NDUFAF6: variants seen among roughly 807,000 people sequenced by gnomAD.
NDUFAF6 encodes NADH:ubiquinone oxidoreductase complex assembly factor 6, also known as NADH dehydrogenase (ubiquinone) complex I, assembly factor 6.
A neutral mutation model predicts 40.8 loss-of-function variants in NDUFAF6; 45 were observed. The ratio of observed to expected loss-of-function variants is 1.10; its 90% CI spans 0.87 to 1.42. The LOEUF is 1.42. Ranked by LOEUF, NDUFAF6 falls within the 40% of genes most tolerant of loss-of-function variation. The probability of loss-of-function intolerance (pLI) is 0.00; values close to 1 mark genes in which losing one functional copy is unlikely to be tolerated. For missense variants in NDUFAF6, 435 were observed against 418.5 expected (o/e 1.04, Z -0.34); for synonymous variants, 185 against 155.9 (o/e 1.19, Z -1.39).
At chr8:94,924,848 T>A (rs1258442019) in intron 1 of NDUFAF6, among the ~76,000 whole-genome samples, 2 of 152,232 alleles carry the variant, frequency 1.3e-5, no homozygotes, top group African/African-American at 2.4e-5. Flanking sequence ...GTTCAAGCAA[T>A]TCTCCTGCCT....
rs544783781 is a variant in NDUFAF6, at chr8:95,091,721, C to T, written n.214-9411C>T. Reference sequence around the variant, plus strand: ...GTGGCGCCATCCTGGCTCACTGCAGCCTTGACCTCTTGGGTTCAAGCGATC... The same window carrying T: ...GTGGCGCCATCCTGGCTCACTGCAGTCTTGACCTCTTGGGTTCAAGCGATC... On this transcript the variant is annotated intron_variant and non_coding_transcript_variant, in intron 2 of 5. Transcript: ENST00000523184. 1.6e-4 allele frequency among the ~76,000 whole-genome samples: 24 copies of T among 150,810 alleles called. No individual in the cohort carries two copies. In the South Asian group the frequency reaches 4.9e-3, roughly 31 times the overall value.
At chr8:95,075,607 A>G (rs1833001943) in intron 9 of NDUFAF6, 2 of 1,287,722 alleles carry the variant, frequency 1.6e-6, no homozygotes, top group African/African-American at 1.5e-5. Flanking sequence ...GGCTTGGTGA[A>G]TAAGTGTCCT....
intron 2 of NDUFAF6, among the ~76,000 whole-genome samples, chr8:95,007,299 G>A (rs1478390363): frequency 2.1e-5 from 1 of 47,888 alleles, no homozygotes; most frequent in Non-Finnish European, 3.8e-5. Flanking sequence ...ACTAATGCCT[G>A]TAATACCAAA....
chr8:94,919,787 A>C (rs1019326819), intron 1 of NDUFAF6, among the ~76,000 whole-genome samples: 3 of 152,240 alleles, frequency 2.0e-5, no homozygotes, highest in Admixed American at 1.3e-4. Flanking sequence ...CTGACCTGAA[A>C]GTCAGGAATT....
intron 2 of NDUFAF6, among the ~76,000 whole-genome samples, chr8:94,945,859 C>A (rs536034812): frequency 6.6e-6 from 1 of 152,304 alleles, no homozygotes; most frequent in East Asian, 1.9e-4. Context: ...GTTTCCCCGA[C>A]AAGAGAAAAG....
In NDUFAF6 at chr8:94,994,827, A is replaced by AAAACC. The variant is rs772245341; in HGVS notation, c.-84+13874_-84+13878dup. ...AGCCTGGGTGGAGACCCTGTCTCAA[A>AAAACC]AAACCAAACCAAACCAAACCAAACA... On this transcript the variant is annotated intron_variant, in intron 2 of 9. Transcript: ENST00000396111. Among the ~76,000 whole-genome samples, 124 of 152,324 alleles carry AAAACC rather than the reference A, an allele frequency of 8.1e-4. 1 individual carries two copies. Among genetic ancestry groups the AAAACC allele is most frequent in the Admixed American group, 2.5e-3 (38 of 15,298 alleles).
chr8:94,999,272 C>T lies in NDUFAF6; in HGVS notation c.-84+18299C>T, dbSNP rs1447898331. 3.6e-4 allele frequency among the ~76,000 whole-genome samples: 54 copies of T among 151,792 alleles called. 1 individual carries two copies. Among genetic ancestry groups the T allele is most frequent in the Admixed American group, 2.9e-3 (44 of 15,242 alleles). ...CCAAGTAGCTAGGACTACAGGTGCA[C>T]GCCACCACACCCAGCTAATTTTTGT... On this transcript the variant is annotated intron_variant, in intron 2 of 9. Transcript: ENST00000396111.
At chr8:94,957,497 TA>T (rs1259376418), upstream of NDUFAF6, among the ~76,000 whole-genome samples, 32 of 151,990 alleles carry the variant, frequency 2.1e-4, no homozygotes, top group African/African-American at 7.5e-4. Flanking sequence ...GACTGAAAAA[TA>T]AGACAGCGTG....
chr8:94,971,944 G>A (rs947597402), intron 1 of NDUFAF6, among the ~76,000 whole-genome samples: 2 of 151,792 alleles, frequency 1.3e-5, no homozygotes, highest in African/African-American at 4.8e-5. Context: ...AAAAAACTCC[G>A]TCTCAAAAAA....
In NDUFAF6 at chr8:94,943,330, T is replaced by G. The variant is rs531906302; in HGVS notation, c.-935-2153T>G. Among the ~76,000 whole-genome samples the G allele has an allele frequency of 2.6e-5, 4 of 151,992 alleles. No individual in the cohort carries two copies. The East Asian group carries it at 7.7e-4, about 29-fold the overall frequency. On this transcript the variant is annotated intron_variant, in intron 1 of 14. Transcript: ENST00000396113. The stretch of plus-strand genomic sequence containing the variant: ...AAAATAACCTGTTTCTACAAAAAAA[T>G]TTTAAAAAATTAGCCAGGTACAGTG...
At chr8:94,949,559 C>T (rs1182830996) in intron 2 of NDUFAF6, 3 of 151,910 alleles carry the variant, frequency 2.0e-5, no homozygotes, top group Non-Finnish European at 4.4e-5. Flanking sequence ...GCCCGGGCAA[C>T]AAAAACCGGG....
At chr8:94,914,155 A>G (rs1442130969) in intron 1 of NDUFAF6, among the ~76,000 whole-genome samples, 1 of 141,648 alleles carries the variant, frequency 7.1e-6, no homozygotes, top group African/African-American at 2.7e-5. Context: ...AGACAGGCAC[A>G]TCAGGGTCTT....
At chr8:94,897,401 A>G (rs74737047) in intron 1 of NDUFAF6, among the ~76,000 whole-genome samples, 3,129 of 152,294 alleles carry the variant, frequency 0.021, 36 homozygotes, top group African/African-American at 0.032. Context: ...TACCTGGTCA[A>G]TAGACAAGTG....
At chr8:94,991,096 T>G (rs961886043) in intron 2 of NDUFAF6, among the ~76,000 whole-genome samples, 7 of 152,248 alleles carry the variant, frequency 4.6e-5, no homozygotes, top group African/African-American at 1.7e-4. Flanking sequence ...GGGAACTGTA[T>G]ATACCACACA....
chr8:94,901,675 A>G (rs1436650905), intron 1 of NDUFAF6, among the ~76,000 whole-genome samples: 1 of 152,144 alleles, frequency 6.6e-6, no homozygotes, highest in Non-Finnish European at 1.5e-5. Flanking sequence ...TCCACCTCCC[A>G]GGTTCAAGTG....
chr8:95,112,005 T>C (rs750934201), intron 4 of NDUFAF6, among the ~76,000 whole-genome samples: 19 of 152,130 alleles, frequency 1.2e-4, no homozygotes, highest in Non-Finnish European at 2.4e-4. Context: ...AAACCTCCCA[T>C]TGATTCCTAC....
At chr8:94,904,319 GCTTTTTTTTTTTTTTTTT>G (rs1818237794) in intron 1 of NDUFAF6, among the ~76,000 whole-genome samples, 1 of 18,146 alleles carries the variant, frequency 5.5e-5, no homozygotes, top group African/African-American at 2.8e-4. Flanking sequence ...AATTTTTTTT[GCTTTTTTTTTTTTTTTTT>G]TTTTTTTTTT....
chr8:95,080,204 T>G (rs983354991), downstream of NDUFAF6, among the ~76,000 whole-genome samples: 14 of 151,536 alleles, frequency 9.2e-5, no homozygotes. Context: ...AGTGATTTTT[T>G]GTAGTGTATT....
intron 2 of NDUFAF6, among the ~76,000 whole-genome samples, chr8:95,092,785 T>G (rs1358928614): frequency 6.6e-6 from 1 of 152,056 alleles, no homozygotes; most frequent in Non-Finnish European, 1.5e-5. Context: ...GAGGTTTCAC[T>G]GTGTTAGCCA....
Sources: allele counts gnomAD v4.1 joint callset (sites outside exome capture counted in the v4.1 genomes callset), GRCh38; gene constraint gnomAD v4.1.1; transcripts MANE v1.5; gene names NCBI Gene and HGNC (gene_info 2026-07-23, HGNC 2026-07-21).